The following C9orf85 variants were observed in gnomAD, a reference collection of about 807,000 sequenced individuals.
The protein encoded by C9orf85 is uncharacterized protein C9orf85.
Under a neutral mutation model 14.9 loss-of-function variants are expected in C9orf85, and 16 were observed. That is an observed-to-expected ratio of 1.08 (90% CI 0.73 to 1.63). The LOEUF (loss-of-function observed/expected upper bound fraction) is 1.63. Ranked by LOEUF, C9orf85 falls within the 40% of genes most tolerant of loss-of-function variation. C9orf85 has a pLI of 0.00. For synonymous variants in C9orf85, 45 were observed against 56.8 expected (o/e 0.79, Z 0.93); for missense variants, 172 against 186.1 (o/e 0.92, Z 0.44).
intron 2 of C9orf85, among the ~76,000 whole-genome samples, chr9:71,949,738 G>A (rs1286363900): frequency 6.6e-6 from 1 of 152,166 alleles, no homozygotes; most frequent in African/African-American, 2.4e-5. Context: ...AAATGTGATA[G>A]GGGATAAAAA....
At chr9:71,940,941 A>G (rs1821912834) in intron 1 of C9orf85, among the ~76,000 whole-genome samples, 2 of 152,224 alleles carry the variant, frequency 1.3e-5, no homozygotes, top group Non-Finnish European at 2.9e-5. Flanking sequence ...CATGCTGGAA[A>G]AGGCAAAACT....
intron 1 of C9orf85, among the ~76,000 whole-genome samples, chr9:71,916,108 A>G (rs1295811819): frequency 6.6e-6 from 1 of 152,186 alleles, no homozygotes; most frequent in African/African-American, 2.4e-5. Flanking sequence ...AAGTATGTTA[A>G]TACTACAGCA....
chr9:71,921,577 C>T (rs1214645879), intron 1 of C9orf85, among the ~76,000 whole-genome samples: 1 of 152,214 alleles, frequency 6.6e-6, no homozygotes, highest in Non-Finnish European at 1.5e-5. Flanking sequence ...TAACTTCTGT[C>T]TTCCTAAAAT....
chr9:71,966,487 A>G (rs979042574), intron 2 of C9orf85, among the ~76,000 whole-genome samples: 6 of 152,172 alleles, frequency 3.9e-5, no homozygotes, highest in South Asian at 2.1e-4. Flanking sequence ...TTTCCTTACC[A>G]TTTTAGGGAG....
At chr9:71,977,213 T>A (rs1823019643), downstream of C9orf85, among the ~76,000 whole-genome samples, 1 of 81,860 alleles carries the variant, frequency 1.2e-5, no homozygotes, top group Non-Finnish European at 2.4e-5. Context: ...GTTTCTTTTG[T>A]TGTAAAAAAA....
At chr9:71,973,845 G>T (rs1201216064), downstream of C9orf85, among the ~76,000 whole-genome samples, 9 of 108,690 alleles carry the variant, frequency 8.3e-5, no homozygotes, top group Admixed American at 6.8e-4. Flanking sequence ...AAATTAGCTT[G>T]GTCTGGGTTT....
chr9:71,926,218 G>GCTA (rs1346858311), intron 1 of C9orf85, among the ~76,000 whole-genome samples: 1 of 152,158 alleles, frequency 6.6e-6, no homozygotes, highest in African/African-American at 2.4e-5. Context: ...TTAATCACTA[G>GCTA]CAGCACTGTC....
chr9:71,958,289 T>G (rs942910475), intron 2 of C9orf85, among the ~76,000 whole-genome samples: 2 of 149,578 alleles, frequency 1.3e-5, no homozygotes, highest in Non-Finnish European at 3.0e-5. Flanking sequence ...TGAGACGGAG[T>G]TTCGCTCTTG....
rs139631052 is a variant in C9orf85, at chr9:71,929,358, T to C, written c.102+17522T>C. 6.6e-5 allele frequency among the ~76,000 whole-genome samples: 10 copies of C among 152,344 alleles called. No homozygotes were observed. In the East Asian group the frequency reaches 1.9e-3, roughly 29 times the overall value. On this transcript the variant is annotated intron_variant, in intron 1 of 3. Coordinates refer to ENST00000334731, the MANE Select transcript of C9orf85 (RefSeq NM_182505.5). ...CGTACCGGTTGGACAAGATCTCAAATGGTGACTTAACTTTTAATGAGTGCT... is the reference window on the plus strand; with the variant it reads ...CGTACCGGTTGGACAAGATCTCAAACGGTGACTTAACTTTTAATGAGTGCT...
chr9:71,953,916 T>C (rs922256926), intron 2 of C9orf85, among the ~76,000 whole-genome samples: 13 of 151,962 alleles, frequency 8.6e-5, no homozygotes, highest in African/African-American at 1.2e-4. Context: ...CTGGGCAACA[T>C]AGCAAGACCT....
chr9:71,928,102 G>A (rs963139874), intron 1 of C9orf85, among the ~76,000 whole-genome samples: 5 of 149,880 alleles, frequency 3.3e-5, no homozygotes, highest in Non-Finnish European at 7.4e-5. Flanking sequence ...CAGGACACTC[G>A]CTTGAACCCA....
intron 2 of C9orf85, among the ~76,000 whole-genome samples, chr9:71,969,043 G>A (rs1027133532): frequency 2.0e-5 from 3 of 152,194 alleles, no homozygotes; most frequent in African/African-American, 7.2e-5. Flanking sequence ...CTACTGATTA[G>A]AACTGGCGGG....
At chr9:71,974,629 A>G (rs1822970263), downstream of C9orf85, among the ~76,000 whole-genome samples, 1 of 152,160 alleles carries the variant, frequency 6.6e-6, no homozygotes, top group African/African-American at 2.4e-5. Flanking sequence ...GCATTGTTAC[A>G]TGTGTCTGTT....
chr9:71,959,147 T>A (rs1016196346), intron 2 of C9orf85, among the ~76,000 whole-genome samples: 2 of 151,864 alleles, frequency 1.3e-5, no homozygotes, highest in Non-Finnish European at 2.9e-5. Context: ...TTTTTTTTTT[T>A]CTTTTTTGGG....
rs201520981 is a variant in C9orf85, at chr9:71,952,497, TG to T, written c.209+5388del. Among the ~76,000 whole-genome samples the T allele has an allele frequency of 8.1e-3, 1,237 of 152,276 alleles. 11 individuals are homozygous for T. The highest frequency in any genetic ancestry group is 0.012 in the Non-Finnish European group (815 of 68,022). On this transcript the variant is annotated intron_variant, in intron 2 of 3. Coordinates refer to ENST00000334731, the MANE Select transcript of C9orf85 (RefSeq NM_182505.5). ...CTCCTGCCTCAGCCTCCCGAGTAGC[TG>T]GGACTACAGACGCCCACCACCACAC... is the stretch of plus-strand genomic sequence containing the variant.
chr9:71,961,691 T>C (rs1254762511), intron 2 of C9orf85, among the ~76,000 whole-genome samples: 1 of 152,230 alleles, frequency 6.6e-6, no homozygotes, highest in Non-Finnish European at 1.5e-5. Flanking sequence ...TATTGTCGTT[T>C]GTTGCCCACA....
chr9:71,953,652 C>T (rs1363283406), intron 2 of C9orf85, among the ~76,000 whole-genome samples: 1 of 152,156 alleles, frequency 6.6e-6, no homozygotes, highest in African/African-American at 2.4e-5. Context: ...CTTTTGTTCC[C>T]ACTGATTGCC....
chr9:71,939,338 GA>G (rs888554993), intron 1 of C9orf85, among the ~76,000 whole-genome samples: 487 of 149,770 alleles, frequency 3.3e-3, no homozygotes, highest in African/African-American at 0.011. Flanking sequence ...AAAGACATTG[GA>G]AAAAAAAATC....
At chr9:71,937,897 T>TAGAGAAATCAA (rs1828230614) in intron 1 of C9orf85, among the ~76,000 whole-genome samples, 1 of 152,134 alleles carries the variant, frequency 6.6e-6, no homozygotes, top group African/African-American at 2.4e-5. Flanking sequence ...AAGTGTTGAT[T>TAGAGAAATCAA]TCTCTCTAAT....
Sources: gnomAD v4.1 joint callset for allele counts (sites outside exome capture counted in the v4.1 genomes callset) on GRCh38, gnomAD v4.1.1 for gene constraint, MANE v1.5 for transcripts, NCBI Gene and HGNC (gene_info 2026-07-23, HGNC 2026-07-21) for gene names.